WDPCP: variants seen among roughly 807,000 people sequenced by gnomAD.
WDPCP encodes WD repeat-containing and planar cell polarity effector protein fritz homolog.
In WDPCP, 71 loss-of-function variants were observed where a neutral mutation model predicts 93.1. The observed-to-expected ratio is 0.76, with a 90% CI of 0.63 to 0.93. The LOEUF (loss-of-function observed/expected upper bound fraction) is 0.93. WDPCP is among the 40% of genes least tolerant of loss of function. WDPCP has a pLI of 0.00. For synonymous variants in WDPCP, 315 were observed against 315.0 expected (o/e 1.00, Z 0.00); for missense variants, 844 against 887.4 (o/e 0.95, Z 0.62).
intron 2 of WDPCP, among the ~76,000 whole-genome samples, chr2:63,762,685 C>T (rs1374360336): frequency 3.3e-5 from 5 of 152,292 alleles, no homozygotes; most frequent in Middle Eastern, 3.4e-3. Flanking sequence ...AACATGCTAG[C>T]TCAGATCTTT....
intron 12 of WDPCP, among the ~76,000 whole-genome samples, chr2:63,334,498 C>A (rs1274514414): frequency 2.6e-5 from 4 of 152,054 alleles, no homozygotes; most frequent in Admixed American, 2.0e-4. Flanking sequence ...ACATTCAGGT[C>A]ATAAGTAGAC....
intron 12 of WDPCP, among the ~76,000 whole-genome samples, chr2:63,362,070 G>A (rs1371599450): frequency 1.3e-5 from 2 of 152,028 alleles, no homozygotes; most frequent in African/African-American, 2.4e-5. Flanking sequence ...TTTGTGTTGG[G>A]AATGTTTCAC....
chr2:63,300,445 AT>A (rs1023673447), intron 13 of WDPCP, among the ~76,000 whole-genome samples: 7 of 152,052 alleles, frequency 4.6e-5, no homozygotes, highest in Non-Finnish European at 1.0e-4. Flanking sequence ...TAGTTGTTGC[AT>A]GGGACTGAAA....
At chr2:63,487,056 T>A (rs1700614290) in intron 3 of WDPCP, among the ~76,000 whole-genome samples, 1 of 152,002 alleles carries the variant, frequency 6.6e-6, no homozygotes, top group South Asian at 2.1e-4. Context: ...GCAGGATTAA[T>A]CAGATAAAGA....
chr2:63,649,987 A>G (rs141146522), intron 3 of WDPCP, among the ~76,000 whole-genome samples: 48 of 152,354 alleles, frequency 3.2e-4, no homozygotes, highest in Admixed American at 2.0e-3. Flanking sequence ...AGCAAAGGCA[A>G]TAAGAGGAGA....
intron 1 of WDPCP, among the ~76,000 whole-genome samples, chr2:63,545,304 T>TGC (rs1405835978): frequency 4.6e-5 from 7 of 151,108 alleles, no homozygotes; most frequent in African/African-American, 1.7e-4. Flanking sequence ...TGTGTGTGTG[T>TGC]GCACGTGTAT....
the WDPCP span, among the ~76,000 whole-genome samples, chr2:63,835,136 C>T: frequency 1.3e-5 from 2 of 151,496 alleles, no homozygotes; most frequent in Admixed American, 1.3e-4. Context: ...CTTGTAATCC[C>T]AGCACTTTGG....
At chr2:63,573,298 T>G (rs960903724) in intron 1 of WDPCP, among the ~76,000 whole-genome samples, 2 of 151,636 alleles carry the variant, frequency 1.3e-5, no homozygotes, top group Admixed American at 1.3e-4. Context: ...ACTGGCTCCC[T>G]CATTGCAACT....
intron 2 of WDPCP, among the ~76,000 whole-genome samples, chr2:63,487,828 T>C (rs1452589809): frequency 6.6e-6 from 1 of 152,082 alleles, no homozygotes; most frequent in Non-Finnish European, 1.5e-5. Flanking sequence ...CAAAAGGAAC[T>C]GCCACTAAGC....
At chr2:63,620,792 C>G (rs1709727400) in intron 3 of WDPCP, among the ~76,000 whole-genome samples, 3 of 152,162 alleles carry the variant, frequency 2.0e-5, no homozygotes, top group Admixed American at 6.5e-5. Context: ...CTGGCAGGTG[C>G]CCCTCTGGGA....
At position 63,564,594 on chromosome 2, in the gene WDPCP, T is replaced by G. The variant is rs187794674; in HGVS notation, c.75+23603A>C. ...CGGCTAACCAGATAGCACAATTAACTTTTTTTCAATGTTTGCTGATCTTCA... is the reference window on the plus strand; with the variant it reads ...CGGCTAACCAGATAGCACAATTAACGTTTTTTCAATGTTTGCTGATCTTCA... On this transcript the variant is annotated intron_variant, in intron 1 of 17. Transcript: ENST00000272321. The G allele has an allele frequency of 1.1e-4, 17 of 152,286 alleles. No individual in the cohort carries two copies. In the East Asian group the frequency reaches 3.3e-3, roughly 29 times the overall value. 9.4% of individuals were successfully genotyped at this position (152,286 alleles called of 1,614,324 possible).
At chr2:63,224,580 A>G (rs955975116) in intron 14 of WDPCP, among the ~76,000 whole-genome samples, 3 of 152,098 alleles carry the variant, frequency 2.0e-5, no homozygotes, top group Non-Finnish European at 4.4e-5. Flanking sequence ...ATATCAAGCA[A>G]TGAAAAAAAC....
At chr2:63,597,516 T>G in intron 3 of WDPCP, 1 of 1,509,158 alleles carries the variant, frequency 6.6e-7, no homozygotes, top group East Asian at 2.5e-5. Context: ...AAAGCAAATG[T>G]GAAAATCTTC....
chr2:63,329,892 C>G (rs1687851243), intron 12 of WDPCP, among the ~76,000 whole-genome samples: 3 of 152,140 alleles, frequency 2.0e-5, no homozygotes, highest in Admixed American at 2.0e-4. Context: ...CCTCTAGGTT[C>G]ATTCACATTG....
intron 17 of WDPCP, among the ~76,000 whole-genome samples, chr2:63,128,447 C>T: frequency 6.6e-6 from 1 of 152,084 alleles, no homozygotes; most frequent in South Asian, 2.1e-4. Flanking sequence ...GGTTTCATTT[C>T]TTTCCTTTCC....
chr2:63,715,617 C>T (rs965137223), intron 2 of WDPCP, among the ~76,000 whole-genome samples: 20 of 152,170 alleles, frequency 1.3e-4, no homozygotes, highest in African/African-American at 4.8e-4. Context: ...TTTTTTCATG[C>T]TTCACAAAAA....
chr2:63,276,606 C>T (rs112551213), intron 13 of WDPCP, among the ~76,000 whole-genome samples: 7 of 152,254 alleles, frequency 4.6e-5, no homozygotes, highest in South Asian at 2.1e-4. Context: ...AGCAATAGAA[C>T]TGAACAAACA....
chr2:63,266,166 A>G (rs1036290234), intron 13 of WDPCP, among the ~76,000 whole-genome samples: 2 of 152,320 alleles, frequency 1.3e-5, no homozygotes. Context: ...GTGCAATTAT[A>G]CATGGAAAAG....
chr2:63,675,568 T>C (rs1363468549), intron 2 of WDPCP, among the ~76,000 whole-genome samples: 1 of 152,186 alleles, frequency 6.6e-6, no homozygotes, highest in Non-Finnish European at 1.5e-5. Context: ...TATGTTGTCA[T>C]GCACTCCTTT....
Sources: allele counts gnomAD v4.1 joint callset (sites outside exome capture counted in the v4.1 genomes callset), GRCh38; gene constraint gnomAD v4.1.1; transcripts MANE v1.5; gene names NCBI Gene and HGNC (gene_info 2026-07-23, HGNC 2026-07-21).